The following GRM8 variants were observed in gnomAD, a reference collection of about 807,000 sequenced individuals.
GRM8 encodes the protein glutamate metabotropic receptor 8.
GRM8 carries 47 observed loss-of-function variants against 87.2 expected under a neutral mutation model. That is an observed-to-expected ratio of 0.54 (90% CI 0.43 to 0.69). The LOEUF is 0.69. Ranked by LOEUF, GRM8 falls within the 30% of genes least tolerant of loss-of-function variation. The pLI, the probability that GRM8 is intolerant of heterozygous loss-of-function variation, is 0.00. For synonymous variants in GRM8, 396 were observed against 404.5 expected, an observed-to-expected ratio of 0.98 and a Z score of 0.25; for missense variants, 1,019 against 1,139.2, an observed-to-expected ratio of 0.89 and a Z score of 1.52.
intron 3 of GRM8, among the ~76,000 whole-genome samples, chr7:126,972,615 T>A (rs1810542387): frequency 1.3e-5 from 2 of 152,194 alleles, no homozygotes; most frequent in South Asian, 4.1e-4. Context: ...TTAACCAATC[T>A]ATCAAACCAG....
At chr7:126,819,746 TA>T (rs200074618) in intron 6 of GRM8, among the ~76,000 whole-genome samples, 1 of 152,148 alleles carries the variant, frequency 6.6e-6, no homozygotes, top group African/African-American at 2.4e-5. Flanking sequence ...ATAGATTTTT[TA>T]AAAAAACTAT....
chr7:127,223,616 G>A (rs1003200974), intron 2 of GRM8, among the ~76,000 whole-genome samples: 2 of 152,002 alleles, frequency 1.3e-5, no homozygotes, highest in African/African-American at 4.8e-5. Flanking sequence ...ATCTCTGCTA[G>A]GTGGCAATGT....
At chr7:126,748,609 T>A (rs1014963699) in intron 7 of GRM8, among the ~76,000 whole-genome samples, 3 of 150,300 alleles carry the variant, frequency 2.0e-5, no homozygotes, top group Non-Finnish European at 4.4e-5. Context: ...CGGGTTTTTT[T>A]TTTTTTTTTT....
chr7:127,091,366 T>G (rs1239525856), intron 3 of GRM8, among the ~76,000 whole-genome samples: 1 of 131,120 alleles, frequency 7.6e-6, no homozygotes, highest in Non-Finnish European at 1.6e-5. Context: ...ACCATCCCAC[T>G]GATCATCCTC....
chr7:127,085,038 C>T (rs772053001), intron 3 of GRM8, among the ~76,000 whole-genome samples: 8 of 152,164 alleles, frequency 5.3e-5, no homozygotes, highest in African/African-American at 1.9e-4. Flanking sequence ...TGTTCAATTC[C>T]CACCTATGAG....
chr7:126,879,056 G>A (rs558963368), intron 6 of GRM8, among the ~76,000 whole-genome samples: 13 of 151,628 alleles, frequency 8.6e-5, no homozygotes, highest in East Asian at 4.0e-4. Context: ...TCAGCTACTC[G>A]GGAGGCTGAG....
chr7:126,463,270 T>C (rs532720340), intron 9 of GRM8, among the ~76,000 whole-genome samples: 1 of 151,658 alleles, frequency 6.6e-6, no homozygotes, highest in Admixed American at 6.6e-5. Flanking sequence ...CAGACTACTA[T>C]GTGAGTGGGA....
At chr7:126,599,948 A>C (rs909126531) in intron 8 of GRM8, among the ~76,000 whole-genome samples, 2 of 152,218 alleles carry the variant, frequency 1.3e-5, no homozygotes, top group South Asian at 4.1e-4. Context: ...TACAAAATGA[A>C]TATATGAATG....
At chr7:126,568,551 T>C (rs936796306) in intron 8 of GRM8, among the ~76,000 whole-genome samples, 2 of 152,080 alleles carry the variant, frequency 1.3e-5, no homozygotes, top group Non-Finnish European at 2.9e-5. Context: ...TTAAACTTCA[T>C]ATAATTGGGA....
At chr7:126,570,007 T>C (rs927887084) in intron 8 of GRM8, among the ~76,000 whole-genome samples, 1 of 152,210 alleles carries the variant, frequency 6.6e-6, no homozygotes, top group Non-Finnish European at 1.5e-5. Context: ...GAGTCTATTA[T>C]TTATCCACAT....
intron 2 of GRM8, among the ~76,000 whole-genome samples, chr7:127,159,493 T>G (rs1268025469): frequency 6.6e-6 from 1 of 152,054 alleles, no homozygotes; most frequent in African/African-American, 2.4e-5. Context: ...TATAAAAGCT[T>G]GCAGCATGAT....
chr7:126,968,847 A>G (rs1451185972), intron 3 of GRM8, among the ~76,000 whole-genome samples: 1 of 152,192 alleles, frequency 6.6e-6, no homozygotes, highest in Non-Finnish European at 1.5e-5. Flanking sequence ...TTAAGTGTAT[A>G]AGGGAATGCA....
At chr7:126,808,949 CAT>C (rs1793036411) in intron 6 of GRM8, among the ~76,000 whole-genome samples, 1 of 152,152 alleles carries the variant, frequency 6.6e-6, no homozygotes, top group African/African-American at 2.4e-5. Context: ...TAAAACAACA[CAT>C]ATTTATTATT....
intron 8 of GRM8, among the ~76,000 whole-genome samples, chr7:126,553,857 T>C (rs1358968825): frequency 3.9e-5 from 6 of 152,180 alleles, no homozygotes; most frequent in Admixed American, 1.3e-4. Flanking sequence ...AAGCGTACAC[T>C]TAAACATAAG....
intron 2 of GRM8, among the ~76,000 whole-genome samples, chr7:127,175,285 A>G (rs1057038308): frequency 6.6e-6 from 1 of 152,196 alleles, no homozygotes; most frequent in Non-Finnish European, 1.5e-5. Flanking sequence ...AGAATCAGTG[A>G]GCTTGAAGAT....
chr7:126,799,182 A>C (rs896817502), intron 6 of GRM8, among the ~76,000 whole-genome samples: 1 of 152,090 alleles, frequency 6.6e-6, no homozygotes, highest in African/African-American at 2.4e-5. Flanking sequence ...GCAGATTCTC[A>C]GGGCCCACTC....
intron 2 of GRM8, chr7:127,229,000 A>T (rs1054455027): frequency 6.6e-6 from 1 of 152,244 alleles, no homozygotes; most frequent in African/African-American, 2.4e-5. Flanking sequence ...ATATTTATTC[A>T]TCAATCCTAT....
intron 3 of GRM8, among the ~76,000 whole-genome samples, chr7:126,923,070 T>C (rs1352018995): frequency 1.3e-5 from 2 of 152,186 alleles, no homozygotes; most frequent in Non-Finnish European, 1.5e-5. Flanking sequence ...AAAAAAGAGT[T>C]TAAAGATAGC....
rs1391682162 is a variant in GRM8 at position 126,892,910 on chromosome 7, T to A, written c.1156+9632A>T. 2.6e-5 allele frequency among the ~76,000 whole-genome samples: 4 copies of A among 152,276 alleles called. No homozygotes were observed. In the South Asian group the frequency reaches 8.3e-4, roughly 32 times the overall value. On this transcript the variant is annotated intron_variant, in intron 6 of 10. Transcript: ENST00000339582. ...CAGTGATGGTGAGCATTTTTTCATGTGTTTTTTGGCTGCATAAATGTCTTC... is the reference window on the plus strand; with the variant it reads ...CAGTGATGGTGAGCATTTTTTCATGAGTTTTTTGGCTGCATAAATGTCTTC...
Sources: allele counts gnomAD v4.1 joint callset (sites outside exome capture counted in the v4.1 genomes callset), GRCh38; gene constraint gnomAD v4.1.1; transcripts MANE v1.5; gene names NCBI Gene and HGNC (gene_info 2026-07-23, HGNC 2026-07-21).